The following ATXN7 variants were observed in gnomAD, a reference collection of about 807,000 sequenced individuals.
The protein encoded by ATXN7 is ataxin 7.
A neutral mutation model predicts 70.5 loss-of-function variants in ATXN7; 12 were observed. That is an observed-to-expected ratio of 0.17 (90% confidence interval 0.11 to 0.28). ATXN7 has a LOEUF of 0.28. ATXN7 is among the 10% of genes least tolerant of loss of function. The pLI is 1.00. For missense variants in ATXN7, 1,256 were observed against 1,131.7 expected (o/e 1.11, Z -1.58); for synonymous variants, 498 against 448.7 (o/e 1.11, Z -1.39).
chr3:63,893,545 T>C (rs113626387), intron 1 of ATXN7, among the ~76,000 whole-genome samples: 191 of 152,276 alleles, frequency 1.3e-3, no homozygotes, highest in African/African-American at 4.3e-3. Context: ...AGGTATATAC[T>C]AATAGAAGCT....
At chr3:63,956,825 T>C (rs994858907) in intron 5 of ATXN7, among the ~76,000 whole-genome samples, 5 of 152,216 alleles carry the variant, frequency 3.3e-5, no homozygotes, top group African/African-American at 7.2e-5. Context: ...TTTTAAAGTA[T>C]GTGTATTATG....
chr3:63,894,018 C>A (rs1703367281), intron 1 of ATXN7, among the ~76,000 whole-genome samples: 1 of 151,900 alleles, frequency 6.6e-6, no homozygotes, highest in African/African-American at 2.4e-5. Flanking sequence ...ATTTTTGTAA[C>A]CTGCTTAAGA....
intron 4 of ATXN7, among the ~76,000 whole-genome samples, chr3:63,937,008 CAAT>C (rs1365322836): frequency 6.6e-6 from 1 of 152,164 alleles, no homozygotes; most frequent in African/African-American, 2.4e-5. Flanking sequence ...GCAACAAGCT[CAAT>C]GATAAGAAGT....
intron 2 of ATXN7, among the ~76,000 whole-genome samples, chr3:63,910,883 GAACCCCA>G (rs1405640956): frequency 4.0e-5 from 6 of 151,866 alleles, no homozygotes; most frequent in Non-Finnish European, 4.4e-5. Context: ...TTTAAATTTT[GAACCCCA>G]AACCCTCTCT....
chr3:63,869,432 T>C (rs1013551801), intron 1 of ATXN7, among the ~76,000 whole-genome samples: 1 of 152,154 alleles, frequency 6.6e-6, no homozygotes, highest in East Asian at 1.9e-4. Flanking sequence ...TCTTTTCTTT[T>C]TGTTTTTTTT....
intron 4 of ATXN7, among the ~76,000 whole-genome samples, chr3:63,935,681 C>T (rs1047568218): frequency 1.3e-5 from 2 of 152,052 alleles, no homozygotes; most frequent in Non-Finnish European, 2.9e-5. Context: ...AACTGCCTTT[C>T]GTATGGTTTT....
intron 4 of ATXN7, among the ~76,000 whole-genome samples, chr3:63,943,593 G>A (rs1174216932): frequency 6.6e-6 from 1 of 152,154 alleles, no homozygotes; most frequent in Non-Finnish European, 1.5e-5. Context: ...TGTGAGGTAG[G>A]TACTTTGACT....
chr3:63,950,639 A>G (rs2074937828), intron 4 of ATXN7, among the ~76,000 whole-genome samples: 1 of 152,182 alleles, frequency 6.6e-6, no homozygotes, highest in Non-Finnish European at 1.5e-5. Context: ...TTTCAGAATG[A>G]AATGTCATGT....
At position 63,906,600 on chromosome 3, in the gene ATXN7, T is replaced by C. The variant is rs190835167; in HGVS notation, c.-11-5988T>C. 2.0e-4 allele frequency among the ~76,000 whole-genome samples: 30 copies of C among 152,300 alleles called. No individual in the cohort carries two copies. The South Asian group carries it at 4.8e-3, about 24-fold the overall frequency. On this transcript the variant is annotated intron_variant, in intron 2 of 12. Coordinates refer to ENST00000674280, the MANE Select transcript of ATXN7 (RefSeq NM_001377405.1). ...TCTGAATCCATGAAGTCCTGTGATA[T>C]AGAGGTGGGGATGAGTTCCCATGTA... is the stretch of plus-strand genomic sequence containing the variant.
At chr3:63,974,475 C>G (rs190370035) in intron 5 of ATXN7, among the ~76,000 whole-genome samples, 3 of 152,246 alleles carry the variant, frequency 2.0e-5, no homozygotes, top group Admixed American at 2.0e-4. Context: ...AGGCAAGTTG[C>G]CTTGTGCTTT....
At chr3:63,919,666 T>G (rs2107315345) in intron 4 of ATXN7, among the ~76,000 whole-genome samples, 1 of 151,860 alleles carries the variant, frequency 6.6e-6, no homozygotes, top group Admixed American at 6.6e-5. Flanking sequence ...TTGTTACATA[T>G]GTATACATGC....
upstream of ATXN7, chr3:63,863,773 G>A (rs1213290117): frequency 2.2e-5 from 27 of 1,252,212 alleles, no homozygotes; most frequent in Non-Finnish European, 2.7e-5. Flanking sequence ...GGGCCTCACC[G>A]TCAGTCACGG....
intron 1 of ATXN7, among the ~76,000 whole-genome samples, chr3:63,892,469 A>T (rs1044808946): frequency 8.4e-6 from 1 of 118,860 alleles, no homozygotes; most frequent in Non-Finnish European, 1.7e-5. Context: ...TCGCTCCTTC[A>T]CACACACACA....
At position 63,912,765 on chromosome 3, in the gene ATXN7, G is replaced by T. The variant is rs1438677116; in HGVS notation, c.167G>T (p.Arg56Leu). 1 of 1,362,560 alleles carries T rather than the reference G, an allele frequency of 7.3e-7. No homozygotes were observed. The highest frequency in any genetic ancestry group is 3.0e-5 in the East Asian group (1 of 33,318). The allele number at this position is 1,362,560 out of a possible 1,614,324, so 84.4% of individuals were successfully genotyped here. Residue 56 changes from arginine (R) to leucine (L), a missense_variant, in exon 3 of 13, where the codon CGG becomes CTG. By Grantham distance (102) the Arg-to-Leu change is moderately radical (BLOSUM62 -2). Coordinates refer to ENST00000674280, the MANE Select transcript of ATXN7 (RefSeq NM_001377405.1). Reference sequence around the variant, plus strand: ...CAGCAGCACCCGCCACCGCCGCCACGGCGCACACGGCCGGAGGACGGCGGG... The same window carrying T: ...CAGCAGCACCCGCCACCGCCGCCACTGCGCACACGGCCGGAGGACGGCGGG... ...QRQQHPPPPP[R>L]RTRPEDGGPG...
chr3:63,990,838 A>G lies in ATXN7; in HGVS notation c.1661A>G (p.His554Arg). 6.2e-7 allele frequency: 1 copy of G among 1,614,264 alleles called. No homozygotes were observed. The highest frequency in any genetic ancestry group is 8.5e-7 in the Non-Finnish European group (1 of 1,180,050). ...RCALNLMVEK[H>R]LNAQLWKKIP... ...GCCCTCAACCTCATGGTGGAGAAGC[A>G]TCTGAATGCACAGCTATGGAAGTGA... Residue 554 changes from histidine (H) to arginine (R), a missense_variant, in exon 11 of 13, where the codon CAT becomes CGT. By Grantham distance (29) the His-to-Arg change is conservative. Coordinates refer to ENST00000674280, the MANE Select transcript of ATXN7 (RefSeq NM_001377405.1).
chr3:63,997,487 C>T (rs916145217), intron 12 of ATXN7: 36 of 695,734 alleles, frequency 5.2e-5, no homozygotes, highest in Admixed American at 5.5e-5. Context: ...TTAACCATGA[C>T]TTTCTCTCTT....
chr3:63,890,551 C>T (rs1575852545), intron 1 of ATXN7, among the ~76,000 whole-genome samples: 1 of 152,168 alleles, frequency 6.6e-6, no homozygotes, highest in East Asian at 1.9e-4. Flanking sequence ...TTACTGATCT[C>T]TGACCCTTGA....
At chr3:63,895,028 A>G (rs1228146734) in intron 1 of ATXN7, among the ~76,000 whole-genome samples, 6 of 152,124 alleles carry the variant, frequency 3.9e-5, no homozygotes, top group African/African-American at 1.4e-4. Context: ...TCCTTGTAGG[A>G]CTAATTTCTC....
chr3:63,997,198 C>A (rs2075774686), intron 12 of ATXN7, among the ~76,000 whole-genome samples: 1 of 152,070 alleles, frequency 6.6e-6, no homozygotes, highest in Non-Finnish European at 1.5e-5. Flanking sequence ...GCGGAAGTTG[C>A]AGTGAGCCAA....
Sources: gnomAD v4.1 joint callset for allele counts (sites outside exome capture counted in the v4.1 genomes callset) on GRCh38, gnomAD v4.1.1 for gene constraint, MANE v1.5 for transcripts, NCBI Gene and HGNC (gene_info 2026-07-23, HGNC 2026-07-21) for gene names.